The following UBE2N variants were observed in gnomAD, a reference collection of about 807,000 sequenced individuals.
UBE2N encodes ubiquitin-conjugating enzyme E2 N.
For synonymous variants in UBE2N, 70 were observed against 69.2 expected, an observed-to-expected ratio of 1.01 and a Z score of -0.06; for missense variants, 60 against 192.1, an observed-to-expected ratio of 0.31 and a Z score of 4.07.
Position 93,410,085 on chromosome 12 carries a change from G to T in UBE2N, c.419-6C>A. On this transcript the variant is annotated splice_polypyrimidine_tract_variant and splice_region_variant and intron_variant, in intron 3 of 3. Coordinates refer to ENST00000318066, the MANE Select transcript of UBE2N (RefSeq NM_003348.4). ...TAGCCTAGTCCATGCTCTAGCTGTA[G>T]ACAGAAACAAACATACGATTATTAT... 1 of 1,612,528 alleles carries T rather than the reference G, an allele frequency of 6.2e-7. No homozygotes were observed. Among genetic ancestry groups the T allele is most frequent in the South Asian group, 1.1e-5 (1 of 90,828 alleles).
rs1013849220 is a variant in UBE2N at position 93,408,536 on chromosome 12, C to T, written c.*1503G>A. 3 of 151,960 alleles carry T rather than the reference C, an allele frequency of 2.0e-5. No homozygotes were observed. The highest frequency in any genetic ancestry group is 6.6e-5 in the Admixed American group (1 of 15,246). The allele number at this position is 151,960 out of a possible 1,614,324, so 9.4% of individuals were successfully genotyped here. On this transcript the variant is annotated 3_prime_UTR_variant, in exon 4 of 4. Coordinates refer to ENST00000318066, the MANE Select transcript of UBE2N (RefSeq NM_003348.4). ...AACTGCAAGAGACAAGGTTGCAACC[C>T]GAAGGTTAACATTTATGTATTTATG...
intron 1 of UBE2N, among the ~76,000 whole-genome samples, chr12:93,430,650 C>T (rs1027679854): frequency 1.3e-5 from 2 of 151,632 alleles, no homozygotes; most frequent in East Asian, 1.9e-4. Flanking sequence ...CAGTGGCTCA[C>T]GCCTGTAATC....
chr12:93,438,550 T>C (rs1213882484), intron 1 of UBE2N, among the ~76,000 whole-genome samples: 1 of 149,992 alleles, frequency 6.7e-6, no homozygotes, highest in Non-Finnish European at 1.5e-5. Flanking sequence ...GCATCCCAAA[T>C]GAATGCAGGG....
intron 1 of UBE2N, among the ~76,000 whole-genome samples, chr12:93,440,771 A>G (rs1252341055): frequency 1.3e-5 from 2 of 152,252 alleles, no homozygotes; most frequent in Non-Finnish European, 2.9e-5. Context: ...TGTTGTGATG[A>G]CAAGGAATAT....
chr12:93,429,105 A>G (rs1878676753), intron 1 of UBE2N, among the ~76,000 whole-genome samples: 1 of 152,028 alleles, frequency 6.6e-6, no homozygotes, highest in Non-Finnish European at 1.5e-5. Flanking sequence ...CCCCGTCTCT[A>G]CTAAAAATAC....
intron 3 of UBE2N, chr12:93,410,364 A>G (rs1877997527): frequency 4.1e-6 from 2 of 491,504 alleles, no homozygotes; most frequent in Non-Finnish European, 7.1e-6. Flanking sequence ...TAAAATCTGT[A>G]GCAGAAGCTT....
rs375708094 is a variant in UBE2N at position 93,410,072 on chromosome 12, T to C, written c.426A>G (p.Ala142=). 2.5e-6 allele frequency: 4 copies of C among 1,613,448 alleles called. No homozygotes were observed. The highest frequency in any genetic ancestry group is 1.7e-5 in the Admixed American group (1 of 59,882). Residue 142 remains alanine, a synonymous_variant, in exon 4 of 4, where the codon GCA becomes GCG. Transcript: ENST00000318066. ...NEAQAIETAR[A]WTRLYAMNNI ...TATTCATGGCATATAGCCTAGTCCATGCTCTAGCTGTAGACAGAAACAAAC... is the reference window on the plus strand; with the variant it reads ...TATTCATGGCATATAGCCTAGTCCACGCTCTAGCTGTAGACAGAAACAAAC...
intron 1 of UBE2N, 75 bp from the exon 2 acceptor site, chr12:93,411,374 C>T (rs1878025603): frequency 2.6e-6 from 4 of 1,527,848 alleles, no homozygotes; most frequent in Non-Finnish European, 3.5e-6. Flanking sequence ...TTAGAAAGTT[C>T]ATCTCTTAGA....
intron 1 of UBE2N, among the ~76,000 whole-genome samples, chr12:93,431,228 C>CA (rs965569437): frequency 6.6e-6 from 1 of 151,634 alleles, no homozygotes; most frequent in Non-Finnish European, 1.5e-5. Flanking sequence ...AACTCCGTCT[C>CA]AAAAAAAGCC....
At chr12:93,428,926 C>A (rs930170955) in intron 1 of UBE2N, among the ~76,000 whole-genome samples, 17 of 152,146 alleles carry the variant, frequency 1.1e-4, no homozygotes, top group Middle Eastern at 3.2e-3. Context: ...TTAGTTTAAC[C>A]CTTACCTGAA....
At chr12:93,441,440 T>G (rs1428523195) in intron 1 of UBE2N, among the ~76,000 whole-genome samples, 1 of 152,080 alleles carries the variant, frequency 6.6e-6, no homozygotes, top group African/African-American at 2.4e-5. Context: ...CCGAGGGACC[T>G]TGTCGGGCCA....
intron 1 of UBE2N, among the ~76,000 whole-genome samples, chr12:93,417,667 T>C (rs1023498316): frequency 1.3e-5 from 2 of 152,196 alleles, no homozygotes; most frequent in African/African-American, 4.8e-5. Context: ...ACAAGAGCTG[T>C]CTGATAACTC....
In UBE2N at chr12:93,409,417, T is replaced by C. The variant is rs1228785824; in HGVS notation, c.*622A>G. On this transcript the variant is annotated 3_prime_UTR_variant, in exon 4 of 4. Transcript: ENST00000318066. ...TTTACAGAAGTTTCCAGACAAGCCA[T>C]ACAAAATGGTCACAAGCTTTTTTTG... The C allele has an allele frequency of 6.0e-6, 1 of 166,950 alleles. No individual in the cohort carries two copies. The highest frequency in any genetic ancestry group is 1.5e-5 in the Non-Finnish European group (1 of 68,104). The allele number at this position is 166,950 out of a possible 1,614,324, so 10.3% of individuals were successfully genotyped here.
chr12:93,412,663 G>A (rs1232050636), intron 1 of UBE2N, among the ~76,000 whole-genome samples: 3 of 152,180 alleles, frequency 2.0e-5, no homozygotes, highest in Non-Finnish European at 1.5e-5. Context: ...TGGCTGGAAC[G>A]GGATCTCACA....
At chr12:93,426,002 G>T (rs1455494721) in intron 1 of UBE2N, among the ~76,000 whole-genome samples, 1 of 152,190 alleles carries the variant, frequency 6.6e-6, no homozygotes, top group East Asian at 1.9e-4. Flanking sequence ...AAATGAAACA[G>T]CTTGGTTAGG....
At chr12:93,419,317 G>A in intron 1 of UBE2N, among the ~76,000 whole-genome samples, 1 of 151,966 alleles carries the variant, frequency 6.6e-6, no homozygotes, top group East Asian at 1.9e-4. Flanking sequence ...TTGAACCTGG[G>A]AGACGGAGGT....
chr12:93,431,812 A>C (rs1235956661), intron 1 of UBE2N, among the ~76,000 whole-genome samples: 1 of 152,202 alleles, frequency 6.6e-6, no homozygotes. Context: ...ATCACATACT[A>C]TATTTCTAGA....
intron 1 of UBE2N, among the ~76,000 whole-genome samples, chr12:93,432,085 A>C (rs1370651948): frequency 6.6e-6 from 1 of 152,152 alleles, no homozygotes; most frequent in African/African-American, 2.4e-5. Context: ...TACCAAAATT[A>C]GCCGGGTGTG....
At position 93,410,870 on chromosome 12, in the gene UBE2N, C is replaced by T. The variant is rs772088408; in HGVS notation, c.282G>A (p.Lys94=). The change falls in exon 3 of 4, where the codon AAG becomes AAA. Residue 94 remains lysine, a synonymous_variant. Coordinates refer to ENST00000318066, the MANE Select transcript of UBE2N (RefSeq NM_003348.4). ...GRICLDILKD[K]WSPALQIRTV... ...TGCGGATCTGCAGTGCTGGGGACCA[C>T]TTATCTATGAAGGCAACAGGCCCAG... 40 of 1,614,130 alleles carry T rather than the reference C, an allele frequency of 2.5e-5. No homozygotes were observed. The highest frequency in any genetic ancestry group is 3.2e-5 in the Non-Finnish European group (38 of 1,180,026).
Sources: gnomAD v4.1 joint callset for allele counts (sites outside exome capture counted in the v4.1 genomes callset) on GRCh38, gnomAD v4.1.1 for gene constraint, MANE v1.5 for transcripts, NCBI Gene and HGNC (gene_info 2026-07-23, HGNC 2026-07-21) for gene names.